SENP6: variants seen among roughly 807,000 people sequenced by gnomAD.
SENP6 encodes SUMO specific peptidase 6.
Under a neutral mutation model 134.5 loss-of-function variants are expected in SENP6, and 41 were observed. The observed-to-expected ratio is 0.30, with a 90% confidence interval of 0.24 to 0.40. SENP6 has a LOEUF of 0.40. Ranked by LOEUF, SENP6 falls within the 10% of genes least tolerant of loss-of-function variation. SENP6 has a pLI of 1.00. For synonymous variants in SENP6, 395 were observed against 429.8 expected, an observed-to-expected ratio of 0.92 and a Z score of 1.00; for missense variants, 1,248 against 1,312.5, an observed-to-expected ratio of 0.95 and a Z score of 0.76.
At position 75,623,973 on chromosome 6, in the gene SENP6, T is replaced by G. The variant is rs1434389180; in HGVS notation, c.207+13T>G. The G allele has an allele frequency of 1.3e-6, 2 of 1,593,068 alleles. No individual in the cohort carries two copies. Among genetic ancestry groups the G allele is most frequent in the Non-Finnish European group, 1.7e-6 (2 of 1,166,790 alleles). ...AAAAGGAAAAAAGGCAAGTGTTGCT[T>G]AAAATATTTTCTTCTTTTACATTAT... On this transcript the variant is annotated intron_variant, in intron 3 of 23. Transcript: ENST00000447266.
In SENP6 at chr6:75,633,692, G is replaced by C; in HGVS notation, c.319G>C (p.Gly107Arg). The change falls in exon 4 of 24, where the codon GGA becomes CGA. Residue 107 changes from glycine (G) to arginine (R), a missense_variant. By Grantham distance (125) the Gly-to-Arg change is moderately radical (BLOSUM62 -2). Transcript: ENST00000447266. ...SFKTLKGNPI[G>R]LNMLSNNKKL... Reference sequence around the variant, plus strand: ...TAAAACTTTGAAAGGCAACCCAATTGGACTTAACATGTTGAGCAACAATAA... The same window carrying C: ...TAAAACTTTGAAAGGCAACCCAATTCGACTTAACATGTTGAGCAACAATAA... 2 of 1,610,438 alleles carry C rather than the reference G, an allele frequency of 1.2e-6. No homozygotes were observed. The highest frequency in any genetic ancestry group is 1.3e-5 in the African/African-American group (1 of 74,748).
intron 7 of SENP6, among the ~76,000 whole-genome samples, chr6:75,653,801 CTAGA>C (rs979454622): frequency 6.6e-6 from 1 of 152,106 alleles, no homozygotes; most frequent in African/African-American, 2.4e-5. Context: ...AACTCCACGG[CTAGA>C]TAGACTACAA....
intron 18 of SENP6, among the ~76,000 whole-genome samples, chr6:75,702,390 G>A (rs1350874725): frequency 6.6e-6 from 1 of 151,794 alleles, no homozygotes; most frequent in Non-Finnish European, 1.5e-5. Context: ...GCTAATTTTT[G>A]TATTTTTAGT....
chr6:75,666,196 CGT>C (rs1432052647), intron 9 of SENP6, among the ~76,000 whole-genome samples: 6 of 97,670 alleles, frequency 6.1e-5, no homozygotes, highest in African/African-American at 1.5e-4. Flanking sequence ...ATATATAAAA[CGT>C]ATATATGATA....
At chr6:75,701,301 C>CTG (rs1393294125) in intron 18 of SENP6, among the ~76,000 whole-genome samples, 1 of 152,126 alleles carries the variant, frequency 6.6e-6, no homozygotes, top group African/African-American at 2.4e-5. Flanking sequence ...TTAGCCAGGA[C>CTG]TGTACAGCTT....
chr6:75,714,730 T>C (rs1220205483), intron 23 of SENP6, among the ~76,000 whole-genome samples: 4 of 152,204 alleles, frequency 2.6e-5, no homozygotes, highest in Non-Finnish European at 5.9e-5. Flanking sequence ...GCCAGCCACC[T>C]GAATGCCATT....
At chr6:75,713,152 C>A (rs1775850109) in intron 21 of SENP6, among the ~76,000 whole-genome samples, 1 of 151,632 alleles carries the variant, frequency 6.6e-6, no homozygotes, top group African/African-American at 2.4e-5. Flanking sequence ...TTTTCATGGT[C>A]CTTTTGTTGA....
chr6:75,647,627 C>G (rs1770556304), intron 6 of SENP6, 104 bp from the exon 7 acceptor site: 1 of 589,376 alleles, frequency 1.7e-6, no homozygotes, highest in Middle Eastern at 4.1e-4. Flanking sequence ...GGCAAAGAAG[C>G]TATGATTTGC....
At chr6:75,707,257 A>C (rs148924022) in intron 19 of SENP6, among the ~76,000 whole-genome samples, 1 of 151,990 alleles carries the variant, frequency 6.6e-6, no homozygotes, top group African/African-American at 2.4e-5. Context: ...GACAAATGTT[A>C]TTCAAATATA....
chr6:75,637,282 C>A (rs1769595110), intron 5 of SENP6, among the ~76,000 whole-genome samples: 1 of 152,086 alleles, frequency 6.6e-6, no homozygotes, highest in Admixed American at 6.6e-5. Flanking sequence ...GTAAATCAGT[C>A]CTGCTAAAAT....
intron 16 of SENP6, among the ~76,000 whole-genome samples, chr6:75,692,609 G>A (rs981955644): frequency 2.6e-5 from 4 of 152,038 alleles, no homozygotes; most frequent in African/African-American, 9.7e-5. Context: ...CTGGGCGAGA[G>A]AGTGAGACTT....
chr6:75,688,432 T>C (rs1252674792), intron 16 of SENP6, among the ~76,000 whole-genome samples: 1 of 152,092 alleles, frequency 6.6e-6, no homozygotes, highest in Non-Finnish European at 1.5e-5. Context: ...TGAGATGAAC[T>C]AGTTACCTCA....
At chr6:75,715,352 AG>A in intron 23 of SENP6, 32 bp from the exon 24 acceptor site, 1 of 1,431,868 alleles carries the variant, frequency 7.0e-7, no homozygotes, top group Non-Finnish European at 9.7e-7. Flanking sequence ...TATTTATTAC[AG>A]TTTTCTAATA....
Position 75,602,215 on chromosome 6 carries a change from G to T in SENP6, c.-310G>T. ...GCAGCCTGGGTGGGCGGTGGATGGGGAGTCGTGGGCCGAGAGGAACCGGGC... is the reference window on the plus strand; with the variant it reads ...GCAGCCTGGGTGGGCGGTGGATGGGTAGTCGTGGGCCGAGAGGAACCGGGC... On this transcript the variant is annotated 5_prime_UTR_variant, in exon 1 of 24. Transcript: ENST00000447266. 3.2e-6 allele frequency: 1 copy of T among 309,502 alleles called. No homozygotes were observed. 19.2% of individuals were successfully genotyped at this position (309,502 alleles called of 1,614,324 possible). A position where few individuals can be genotyped will look rare whatever the true frequency, so the allele number is the denominator to read the frequency against.
chr6:75,634,517 G>T (rs1319410516), intron 4 of SENP6, among the ~76,000 whole-genome samples, 190 bp from the exon 5 acceptor site: 1 of 152,034 alleles, frequency 6.6e-6, no homozygotes, highest in Non-Finnish European at 1.5e-5. Flanking sequence ...TCTTTAATTG[G>T]ATTGGAAACA....
chr6:75,671,236 A>G (rs1181470836), intron 11 of SENP6, among the ~76,000 whole-genome samples: 1 of 152,196 alleles, frequency 6.6e-6, no homozygotes, highest in Non-Finnish European at 1.5e-5. Flanking sequence ...ATTTTAATAT[A>G]ATCTCCTTAA....
chr6:75,617,041 AATTTTTTTGT>A (rs1479274712), intron 1 of SENP6, among the ~76,000 whole-genome samples: 11 of 151,502 alleles, frequency 7.3e-5, no homozygotes, highest in Non-Finnish European at 1.0e-4. Flanking sequence ...ATGCCAGGCT[AATTTTTTTGT>A]ATTTTTTTGT....
At chr6:75,657,948 C>G (rs998847524) in intron 7 of SENP6, among the ~76,000 whole-genome samples, 1 of 152,034 alleles carries the variant, frequency 6.6e-6, no homozygotes, top group African/African-American at 2.4e-5. Context: ...GGAACTTCTG[C>G]TTGCCAAAAG....
At position 75,718,201 on chromosome 6, in the gene SENP6, T is replaced by C. The variant is rs1343445724; in HGVS notation, c.*2607T>C. On this transcript the variant is annotated 3_prime_UTR_variant, in exon 24 of 24. Coordinates refer to ENST00000447266, the MANE Select transcript of SENP6 (RefSeq NM_015571.4). ...CAATGTAAAAAGAATAAGTTTTAAT[T>C]CCCCCAAAATCAAAAATTGTACTTA... is the stretch of plus-strand genomic sequence containing the variant. 1 of 152,112 alleles carries C rather than the reference T, an allele frequency of 6.6e-6. No individual in the cohort carries two copies. Among genetic ancestry groups the C allele is most frequent in the Non-Finnish European group, 1.5e-5 (1 of 68,010 alleles). The allele number at this position is 152,112 out of a possible 1,614,324, so 9.4% of individuals were successfully genotyped here. A position where few individuals can be genotyped will look rare whatever the true frequency, so the allele number is the denominator to read the frequency against.
Sources: gnomAD v4.1 joint callset for allele counts (sites outside exome capture counted in the v4.1 genomes callset) on GRCh38, gnomAD v4.1.1 for gene constraint, MANE v1.5 for transcripts, NCBI Gene and HGNC (gene_info 2026-07-23, HGNC 2026-07-21) for gene names.